Variants in TOGARAM1 observed in about 807,000 individuals in gnomAD.
TOGARAM1 encodes the protein TOG array regulator of axonemal microtubules 1.
In TOGARAM1, 100 loss-of-function variants were observed where a neutral mutation model predicts 166.6. The observed-to-expected ratio is 0.60, with a 90% CI of 0.51 to 0.71. The LOEUF is 0.71. Ranked by LOEUF, TOGARAM1 falls within the 30% of genes least tolerant of loss-of-function variation. The pLI, the probability that TOGARAM1 is intolerant of heterozygous loss-of-function variation, is 0.00. For synonymous variants in TOGARAM1, 758 were observed against 763.8 expected (o/e 0.99, Z 0.13); for missense variants, 2,029 against 2,102.7 (o/e 0.96, Z 0.69).
intron 1 of TOGARAM1, among the ~76,000 whole-genome samples, chr14:44,977,846 C>T (rs1886296968): frequency 6.6e-6 from 1 of 151,964 alleles, no homozygotes; most frequent in East Asian, 1.9e-4. Context: ...GACAGGGTTT[C>T]ACCATGTTGG....
In TOGARAM1 at chr14:44,964,257, G is replaced by T. The variant is rs1885390727; in HGVS notation, c.1836G>T (p.Trp612Cys). Residue 612 changes from tryptophan to cysteine, a missense_variant, in exon 1 of 20, where the codon TGG becomes TGT. By Grantham distance (215) the Trp-to-Cys change is radical. This residue lies in a region of TOGARAM1 where 1,453 missense variants were observed against 1,432.2 expected (regional missense o/e 1.01). Coordinates refer to ENST00000361462, the MANE Select transcript of TOGARAM1 (RefSeq NM_001308120.2). ...TGGCACATGGAGCAGATACGGACTGGCTTTTGGCTGGTAACAGAACTCAGA... is the reference window on the plus strand; with the variant it reads ...TGGCACATGGAGCAGATACGGACTGTCTTTTGGCTGGTAACAGAACTCAGA... ...NHLAHGADTDWLLAGNRTQSA... is the reference protein window; with the variant it reads ...NHLAHGADTDCLLAGNRTQSA... The T allele has an allele frequency of 1.9e-6, 3 of 1,614,038 alleles. No individual in the cohort carries two copies. The highest frequency in any genetic ancestry group is 2.5e-6 in the Non-Finnish European group (3 of 1,180,032).
intron 5 of TOGARAM1, among the ~76,000 whole-genome samples, chr14:45,008,551 A>C (rs144880154): frequency 4.6e-5 from 7 of 152,312 alleles, no homozygotes; most frequent in Non-Finnish European, 8.8e-5. Flanking sequence ...TTAGCACACC[A>C]GGTGTACCTC....
At chr14:45,028,444 C>G in intron 10 of TOGARAM1, 115 bp downstream of exon 10, 1 of 1,116,012 alleles carries the variant, frequency 9.0e-7, no homozygotes. Flanking sequence ...TATATAACAC[C>G]GAAATTTGCA....
chr14:45,037,458 G>A (rs1269963923), intron 11 of TOGARAM1, among the ~76,000 whole-genome samples: 3 of 152,148 alleles, frequency 2.0e-5, no homozygotes, highest in African/African-American at 7.2e-5. Flanking sequence ...TTCATGGAGA[G>A]GGTGTAATAC....
Position 45,054,537 on chromosome 14 carries a change from A to G in TOGARAM1, c.4547A>G (p.Asn1516Ser). 6.2e-7 allele frequency: 1 copy of G among 1,604,674 alleles called. No individual in the cohort carries two copies. Among genetic ancestry groups the G allele is most frequent in the Non-Finnish European group, 8.5e-7 (1 of 1,172,104 alleles). ...TCATCTGTTTCTAGAGATGCTTTCA[A>G]TTCAGCTGAAAGGTAAGATGATGTA... is the stretch of plus-strand genomic sequence containing the variant. ...RSSSVSRDAF[N>S]SAERAVTEVR... The change falls in exon 16 of 20, where the codon AAT becomes AGT. Residue 1516 changes from asparagine (N) to serine (S), a missense_variant. Coordinates refer to ENST00000361462, the MANE Select transcript of TOGARAM1 (RefSeq NM_001308120.2).
intron 11 of TOGARAM1, among the ~76,000 whole-genome samples, chr14:45,040,204 C>G (rs901079690): frequency 4.6e-5 from 7 of 151,996 alleles, no homozygotes; most frequent in African/African-American, 1.2e-4. Context: ...TATGTGTAAC[C>G]TATGGATCTA....
At chr14:44,990,864 C>T (rs928308387) in intron 1 of TOGARAM1, among the ~76,000 whole-genome samples, 10 of 147,698 alleles carry the variant, frequency 6.8e-5, no homozygotes, top group Non-Finnish European at 1.0e-4. Context: ...TTGCCCAGGT[C>T]GGTCTTGGAC....
Position 44,962,243 on chromosome 14 carries a change from G to T in TOGARAM1, c.-179G>T, listed in dbSNP as rs1041066975. 7.6e-6 allele frequency: 5 copies of T among 657,094 alleles called. No homozygotes were observed. In the African/African-American group the frequency reaches 9.2e-5, roughly 12 times the overall value. The allele number at this position is 657,094 out of a possible 1,614,324, so 40.7% of individuals were successfully genotyped here. A position where few individuals can be genotyped will look rare whatever the true frequency, so the allele number is the denominator to read the frequency against. ...CAGCTGTGGGGTCTAGGGCTCAGAC[G>T]GGGGCCATTTTGCCAGAGGCTGCCT... On this transcript the variant is annotated 5_prime_UTR_variant, in exon 1 of 20. Transcript: ENST00000361462.
chr14:44,995,434 G>A (rs938737893), intron 1 of TOGARAM1: 3 of 463,108 alleles, frequency 6.5e-6, no homozygotes, highest in South Asian at 3.1e-5. Context: ...GGGTTACGCT[G>A]CTCCGTCAGA....
chr14:45,062,579 G>A (rs1028682466), intron 16 of TOGARAM1, among the ~76,000 whole-genome samples: 6 of 152,044 alleles, frequency 3.9e-5, no homozygotes, highest in South Asian at 2.1e-4. Context: ...TTCAACTTAC[G>A]ATTTTTCAAC....
chr14:45,059,685 A>G (rs1882809263), intron 16 of TOGARAM1, among the ~76,000 whole-genome samples: 1 of 151,480 alleles, frequency 6.6e-6, no homozygotes, highest in African/African-American at 2.4e-5. Flanking sequence ...AAAACAAAAC[A>G]AAAAACAAAC....
chr14:45,009,206 A>G (rs1344853872), intron 6 of TOGARAM1, 61 bp downstream of exon 6: 1 of 1,222,582 alleles, frequency 8.2e-7, no homozygotes, highest in African/African-American at 1.5e-5. Flanking sequence ...TTAGAGCCCT[A>G]ATATCATATT....
At chr14:44,994,481 C>A (rs1887320056) in intron 1 of TOGARAM1, among the ~76,000 whole-genome samples, 1 of 151,992 alleles carries the variant, frequency 6.6e-6, no homozygotes, top group African/African-American at 2.4e-5. Context: ...TGCAGTGGCA[C>A]AATATCAGCC....
At chr14:45,007,091 T>C (rs1272574384) in intron 5 of TOGARAM1, 1 of 151,646 alleles carries the variant, frequency 6.6e-6, no homozygotes, top group Non-Finnish European at 1.5e-5. Flanking sequence ...TTATATTACA[T>C]ATATAAATGC....
At chr14:45,047,541 A>G (rs1288808107) in intron 14 of TOGARAM1, among the ~76,000 whole-genome samples, 1 of 152,206 alleles carries the variant, frequency 6.6e-6, no homozygotes, top group Non-Finnish European at 1.5e-5. Flanking sequence ...ACAGTCAGAG[A>G]AAAACAACAC....
intron 3 of TOGARAM1, 114 bp from the exon 4 acceptor site, chr14:45,003,947 A>C (rs1887814553): frequency 1.3e-6 from 1 of 764,240 alleles, no homozygotes. Context: ...ACCATACAAA[A>C]ATATACATGC....
chr14:44,967,344 A>T (rs1227016031), intron 1 of TOGARAM1, among the ~76,000 whole-genome samples: 1 of 152,136 alleles, frequency 6.6e-6, no homozygotes, highest in Non-Finnish European at 1.5e-5. Context: ...CATATGCTGT[A>T]TCCTACAGTA....
At chr14:44,973,774 T>C (rs1305737051) in intron 1 of TOGARAM1, among the ~76,000 whole-genome samples, 1 of 151,646 alleles carries the variant, frequency 6.6e-6, no homozygotes, top group Non-Finnish European at 1.5e-5. Flanking sequence ...TTTCCCAGGG[T>C]ATAGACTTCT....
intron 3 of TOGARAM1, among the ~76,000 whole-genome samples, chr14:45,002,006 A>G (rs1214310689): frequency 6.6e-6 from 1 of 152,174 alleles, no homozygotes; most frequent in Non-Finnish European, 1.5e-5. Context: ...ATTTTATTGT[A>G]TGTCCTTTAC....
Sources: gnomAD v4.1 joint callset for allele counts (sites outside exome capture counted in the v4.1 genomes callset) on GRCh38, gnomAD v4.1.1 for gene constraint, gnomAD v4.1.1 regional missense constraint, MANE v1.5 for transcripts, NCBI Gene and HGNC (gene_info 2026-07-23, HGNC 2026-07-21) for gene names.